Variants in HRG observed in about 807,000 individuals in gnomAD.
The protein encoded by HRG is histidine rich glycoprotein, also known as histidine-rich glycoprotein.
HRG carries 26 observed loss-of-function variants against 29.5 expected under a neutral mutation model. That is an observed-to-expected ratio of 0.88 (90% CI 0.65 to 1.22). The LOEUF (loss-of-function observed/expected upper bound fraction) is 1.22. HRG is among the 50% of genes most tolerant of loss of function. The pLI is 0.00. For synonymous variants in HRG, 243 were observed against 240.4 expected (o/e 1.01, Z -0.10); for missense variants, 671 against 654.5 (o/e 1.03, Z -0.28).
Position 186,677,143 on chromosome 3 carries a change from C to A in HRG, c.838C>A (p.Pro280Thr). 1 of 1,613,914 alleles carries A rather than the reference C, an allele frequency of 6.2e-7. No individual in the cohort carries two copies. Among genetic ancestry groups the A allele is most frequent in the Non-Finnish European group, 8.5e-7 (1 of 1,180,004 alleles). The change falls in exon 7 of 7, where the codon CCC (proline) becomes ACC (threonine). Residue 280 changes from proline (P) to threonine (T), a missense_variant. Pro to Thr is a conservative substitution (Grantham distance 38). Transcript: ENST00000232003. ...TTCTACCACCAAGCCTCCATTCAAG[C>A]CCCATGGATCTAGAGATCATCATCA... is the stretch of plus-strand genomic sequence containing the variant. ...RSSTTKPPFK[P>T]HGSRDHHHPH...
At position 186,677,564 on chromosome 3, in the gene HRG, C is replaced by T; in HGVS notation, c.1259C>T (p.Pro420Leu). The stretch of plus-strand genomic sequence containing the variant: ...CAAGACTATGGACCTTGTGACCCAC[C>T]ACCCCATAACCAAGGTCACTGTTGC... ...DFQDYGPCDP[P>L]PHNQGHCCHG... Residue 420 changes from proline (P) to leucine (L), a missense_variant, in exon 7 of 7, where the codon CCA becomes CTA. By Grantham distance (98) the Pro-to-Leu change is moderately conservative (BLOSUM62 -3). Transcript: ENST00000232003. The T allele has an allele frequency of 6.2e-7, 1 of 1,613,946 alleles. No homozygotes were observed. The highest frequency in any genetic ancestry group is 1.7e-4 in the Middle Eastern group (1 of 6,060).
Position 186,672,964 on chromosome 3 carries a change from AAGG to A in HRG, c.639+100_639+102del. On this transcript the variant is annotated intron_variant, in intron 5 of 6. Coordinates refer to ENST00000232003, the MANE Select transcript of HRG (RefSeq NM_000412.5). ...GAAGGAGAAGGAGAGGAAGGAGAAG[AAGG>A]AGAAGAGGAATGAGAAGGAGAAAAT... 7.2e-6 allele frequency: 6 copies of A among 834,520 alleles called. No individual in the cohort carries two copies. In the Admixed American group the frequency reaches 7.2e-5, roughly 10 times the overall value. The allele number at this position is 834,520 out of a possible 1,614,324, so 51.7% of individuals were successfully genotyped here.
rs1231802917 is a variant in HRG, at chr3:186,675,296, T to TGAGAGA, written c.741+107_741+108insAGAGAG. On this transcript the variant is annotated intron_variant, in intron 6 of 6. Transcript: ENST00000232003. ...AGCTCTATGAGTGGGTGTGTGTGTGTGTGTGTGTGTGTGAGAGAGAGAGAG... is the reference window on the plus strand; with the variant it reads ...AGCTCTATGAGTGGGTGTGTGTGTGTGAGAGAGTGTGTGTGTGTGAGAGAGAGAGAG... The TGAGAGA allele has an allele frequency of 2.8e-3, 1,638 of 585,974 alleles. 23 individuals are homozygous for TGAGAGA. Among genetic ancestry groups the TGAGAGA allele is most frequent in the East Asian group, 5.8e-3 (151 of 26,066 alleles). The allele number at this position is 585,974 out of a possible 1,614,324, so 36.3% of individuals were successfully genotyped here. A position where few individuals can be genotyped will look rare whatever the true frequency, so the allele number is the denominator to read the frequency against.
chr3:186,675,204 G>A lies in HRG; in HGVS notation c.741+14G>A, dbSNP rs771035607. The A allele has an allele frequency of 6.4e-7, 1 of 1,569,940 alleles. No individual in the cohort carries two copies. The highest frequency in any genetic ancestry group is 8.8e-7 in the Non-Finnish European group (1 of 1,140,300). ...TTCGACCCTCAGGTGGGTTGTCTAA[G>A]CAGACTTTGTCATGGCAGTGCCAGA... On this transcript the variant is annotated intron_variant, in intron 6 of 6. Coordinates refer to ENST00000232003, the MANE Select transcript of HRG (RefSeq NM_000412.5).
chr3:186,669,113 A>C, intron 2 of HRG, 62 bp downstream of exon 2: 4 of 956,610 alleles, frequency 4.2e-6, no homozygotes, highest in Non-Finnish European at 5.2e-6. Context: ...TACTCTGTTC[A>C]CTCAGCCAAT....
rs61374531 is a variant in HRG at position 186,668,182 on chromosome 3, C to T, written c.184-753C>T. ...TGCCTCTGAGAGCTAGCATAGAGAG[C>T]GGGTGGATGGGGAGGGGTCCTGATG... On this transcript the variant is annotated intron_variant, in intron 1 of 6. Transcript: ENST00000232003. Among the ~76,000 whole-genome samples, 944 of 152,150 alleles carry T rather than the reference C, an allele frequency of 6.2e-3. 10 individuals carry two copies. Among genetic ancestry groups the T allele is most frequent in the African/African-American group, 0.021 (883 of 41,510 alleles).
Position 186,677,562 on chromosome 3 carries a change from A to C in HRG, c.1257A>C (p.Pro419=). 6.2e-7 allele frequency: 1 copy of C among 1,613,828 alleles called. No individual in the cohort carries two copies. ...TCCAAGACTATGGACCTTGTGACCC[A>C]CCACCCCATAACCAAGGTCACTGTT... ...HDFQDYGPCD[P]PPHNQGHCCH... Residue 419 remains proline (P), a synonymous_variant, in exon 7 of 7, where the codon CCA becomes CCC. Transcript: ENST00000232003.
intron 4 of HRG, among the ~76,000 whole-genome samples, chr3:186,672,352 C>A (rs114203701): frequency 5.3e-5 from 8 of 152,288 alleles, no homozygotes; most frequent in African/African-American, 1.9e-4. Flanking sequence ...TGGACCCATG[C>A]GCACTGGAGT....
In HRG at chr3:186,671,809, C is replaced by T. The variant is rs575726398; in HGVS notation, c.558+20C>T. On this transcript the variant is annotated intron_variant, in intron 4 of 6. Coordinates refer to ENST00000232003, the MANE Select transcript of HRG (RefSeq NM_000412.5). ...AGAGTGGTGAGTCTCCACTAAGGTT[C>T]GGTTGGAGTCTGAAGGCCCAGGCTC... The T allele has an allele frequency of 2.9e-5, 47 of 1,611,606 alleles. No individual in the cohort carries two copies. The highest frequency in any genetic ancestry group is 7.7e-5 in the South Asian group (7 of 90,948).
Position 186,677,552 on chromosome 3 carries a change from C to G in HRG, c.1247C>G (p.Pro416Arg). 1 of 1,613,744 alleles carries G rather than the reference C, an allele frequency of 6.2e-7. No homozygotes were observed. ...PHCHDFQDYG[P>R]CDPPPHNQGH... Reference sequence around the variant, plus strand: ...TGCCATGATTTCCAAGACTATGGACCTTGTGACCCACCACCCCATAACCAA... The same window carrying G: ...TGCCATGATTTCCAAGACTATGGACGTTGTGACCCACCACCCCATAACCAA... Residue 416 changes from proline to arginine, a missense_variant, in exon 7 of 7, where the codon CCT becomes CGT. Physicochemically the swap from Pro to Arg is moderately radical, Grantham distance 103. Transcript: ENST00000232003.
chr3:186,671,848 G>A, intron 4 of HRG, 59 bp downstream of exon 4: 1 of 1,414,592 alleles, frequency 7.1e-7, no homozygotes, highest in Non-Finnish European at 1.0e-6. Context: ...CCTGGCAGCA[G>A]GAACTGAATG....
chr3:186,670,152 T>TA, intron 3 of HRG, 124 bp downstream of exon 3: 2 of 702,652 alleles, frequency 2.8e-6, no homozygotes, highest in Non-Finnish European at 5.2e-6. Flanking sequence ...TGTATATCTA[T>TA]GATGTACATG....
rs139747236 is a variant in HRG, at chr3:186,670,081, C to A, written c.391+53C>A. ...AATTCTTGATTAATACAAATTCAATCATACAGTGGTATTTGTCTCATCTAT... is the reference window on the plus strand; with the variant it reads ...AATTCTTGATTAATACAAATTCAATAATACAGTGGTATTTGTCTCATCTAT... On this transcript the variant is annotated intron_variant, in intron 3 of 6. Transcript: ENST00000232003. The A allele has an allele frequency of 2.2e-4, 202 of 908,322 alleles. 1 individual carries two copies. The African/African-American group carries it at 2.9e-3, about 13-fold the overall frequency. 56.3% of individuals were successfully genotyped at this position (908,322 alleles called of 1,614,324 possible).
Position 186,669,007 on chromosome 3 carries a change from T to TG in HRG, c.258dup (p.Asn87GlufsTer2). The TG allele has an allele frequency of 6.2e-7, 1 of 1,611,876 alleles. No individual in the cohort carries two copies. Among genetic ancestry groups the TG allele is most frequent in the Non-Finnish European group, 8.5e-7 (1 of 1,177,900 alleles). On this transcript the variant is annotated frameshift_variant, in exon 2 of 7. Transcript: ENST00000232003. LOFTEE classifies it high-confidence loss of function. ...CTGTTCGGTCCTATCCAGGAAATAC[T>TG]GGAATGACTGTGAGCCACCTGATTC...
chr3:186,674,701 G>A, intron 5 of HRG: 1 of 339,040 alleles, frequency 2.9e-6, no homozygotes, highest in East Asian at 7.6e-5. Flanking sequence ...CAAGGGACCA[G>A]CTGAAGTTGT....
intron 3 of HRG, among the ~76,000 whole-genome samples, chr3:186,671,033 C>T (rs905109661): frequency 6.6e-6 from 1 of 151,530 alleles, no homozygotes; most frequent in Non-Finnish European, 1.5e-5. Context: ...TCTGTCTTCC[C>T]CCTTGGCAAC....
At chr3:186,676,652 G>GA (rs34136870) in intron 6 of HRG, among the ~76,000 whole-genome samples, 2,507 of 141,998 alleles carry the variant, frequency 0.018, 66 homozygotes, top group African/African-American at 0.061. Context: ...CTCAAAAAAA[G>GA]AAAAAAAAAA....
intron 4 of HRG, 119 bp downstream of exon 4, chr3:186,671,908 AC>A: frequency 1.1e-6 from 1 of 878,856 alleles, no homozygotes; most frequent in South Asian, 1.4e-5. Flanking sequence ...TTAATTTGTC[AC>A]TTTTGAGGCC....
chr3:186,671,575 T>C, intron 3 of HRG, 48 bp from the exon 4 acceptor site: 1 of 1,584,196 alleles, frequency 6.3e-7, no homozygotes, highest in Non-Finnish European at 8.7e-7. Context: ...CAAGCCACCA[T>C]TAACATTTCC....
Sources: gnomAD v4.1 joint callset for allele counts (sites outside exome capture counted in the v4.1 genomes callset) on GRCh38, gnomAD v4.1.1 for gene constraint, MANE v1.5 for transcripts, NCBI Gene and HGNC (gene_info 2026-07-23, HGNC 2026-07-21) for gene names.